RYR3: variants seen among roughly 807,000 people sequenced by gnomAD.
RYR3 encodes brain ryanodine receptor-calcium release channel.
A neutral mutation model predicts 584.3 loss-of-function variants in RYR3; 207 were observed. That is an observed-to-expected ratio of 0.35 (90% confidence interval 0.32 to 0.40). RYR3 has a LOEUF of 0.40. Among genes scored for constraint, RYR3 ranks in the 10% least tolerant of loss-of-function variants. The pLI is 1.00. For missense variants in RYR3, 5,616 were observed against 6,089.2 expected, an observed-to-expected ratio of 0.92 and a Z score of 2.59; for synonymous variants, 2,416 against 2,248.5, an observed-to-expected ratio of 1.07 and a Z score of -2.11.
intron 87 of RYR3, among the ~76,000 whole-genome samples, chr15:33,835,443 T>A (rs2077979263): frequency 6.6e-6 from 1 of 152,174 alleles, no homozygotes; most frequent in Admixed American, 6.5e-5. Flanking sequence ...GTCTCTGTAA[T>A]CCACATCCCT....
intron 1 of RYR3, among the ~76,000 whole-genome samples, chr15:33,473,018 A>T (rs988006198): frequency 1.3e-5 from 2 of 152,086 alleles, no homozygotes; most frequent in Non-Finnish European, 2.9e-5. Context: ...CCTTGCTCTG[A>T]TCTTGTCTGT....
intron 1 of RYR3, among the ~76,000 whole-genome samples, chr15:33,429,420 T>C (rs1243272151): frequency 6.6e-6 from 1 of 152,238 alleles, no homozygotes; most frequent in East Asian, 1.9e-4. Context: ...TGAGAAAGAT[T>C]TTAAAATCTG....
intron 1 of RYR3, among the ~76,000 whole-genome samples, chr15:33,387,704 T>C (rs1358615476): frequency 6.6e-6 from 1 of 151,850 alleles, no homozygotes; most frequent in Non-Finnish European, 1.5e-5. Flanking sequence ...ATTTTTTTTC[T>C]TATGATTCTC....
chr15:33,623,401 T>C (rs2060824116), intron 19 of RYR3, among the ~76,000 whole-genome samples: 1 of 151,590 alleles, frequency 6.6e-6, no homozygotes, highest in African/African-American at 2.4e-5. Context: ...GTGTGGATAA[T>C]CTCCCTCGAG....
At position 33,672,786 on chromosome 15, in the gene RYR3, G is replaced by A. The variant is rs115675012; in HGVS notation, c.5860+2230G>A. ...TAAAAGTGTAGATAGTGTTAGAAAC[G>A]TTATACAATGAATTGGCAGTTTACT... On this transcript the variant is annotated intron_variant, in intron 38 of 103. Coordinates refer to ENST00000634891, the MANE Select transcript of RYR3 (RefSeq NM_001036.6). Among the ~76,000 whole-genome samples the A allele has an allele frequency of 4.4e-3, 666 of 152,064 alleles. 2 individuals carry two copies. The highest frequency in any genetic ancestry group is 0.015 in the African/African-American group (637 of 41,480).
At chr15:33,488,403 C>T (rs2142451020) in intron 2 of RYR3, among the ~76,000 whole-genome samples, 1 of 148,564 alleles carries the variant, frequency 6.7e-6, no homozygotes, top group Non-Finnish European at 1.5e-5. Context: ...TATTTTTTTT[C>T]TTCCTCCGCC....
chr15:33,758,863 C>A (rs1056482204), intron 60 of RYR3, among the ~76,000 whole-genome samples: 12 of 152,216 alleles, frequency 7.9e-5, no homozygotes, highest in African/African-American at 2.9e-4. Flanking sequence ...AACCTCCCAG[C>A]AGGGGTCGAC....
chr15:33,746,879 G>T (rs1229354502), intron 53 of RYR3, among the ~76,000 whole-genome samples: 1 of 148,700 alleles, frequency 6.7e-6, no homozygotes. Context: ...TGTGATCTCG[G>T]CTCACTGCAA....
intron 1 of RYR3, among the ~76,000 whole-genome samples, chr15:33,401,270 C>T (rs1026780865): frequency 1.3e-5 from 2 of 152,188 alleles, no homozygotes; most frequent in Non-Finnish European, 2.9e-5. Flanking sequence ...TGTTTACACT[C>T]ATAGAGCACT....
At chr15:33,783,333 TC>T (rs1475705923) in intron 65 of RYR3, among the ~76,000 whole-genome samples, 3 of 152,166 alleles carry the variant, frequency 2.0e-5, no homozygotes, top group African/African-American at 7.2e-5. Flanking sequence ...TTCTAAAGAT[TC>T]CCCCTAACAG....
chr15:33,662,210 C>T lies in RYR3; in HGVS notation c.4680C>T (p.His1560=), dbSNP rs1397919314. The T allele has an allele frequency of 6.2e-7, 1 of 1,608,120 alleles. No individual in the cohort carries two copies. The highest frequency in any genetic ancestry group is 1.7e-5 in the Admixed American group (1 of 59,322). ...AGGACCTGATGCGGTTCCATTACCA[C>T]ACGCTGAGGCTCTACAGCGCGGTGT... is the stretch of plus-strand genomic sequence containing the variant. ...EQEDLMRFHY[H]TLRLYSAVCA... Residue 1560 remains histidine (H), a synonymous_variant, in exon 35 of 104, where the codon CAC becomes CAT. Transcript: ENST00000634891.
intron 67 of RYR3, among the ~76,000 whole-genome samples, chr15:33,789,658 A>ATTTTTTTT (rs869151934): frequency 7.8e-5 from 1 of 12,782 alleles, no homozygotes; most frequent in Non-Finnish European, 1.3e-4. Flanking sequence ...ATATATATAT[A>ATTTTTTTT]TTTTTTTTTT....
chr15:33,342,151 G>A (rs1245394580), intron 1 of RYR3, among the ~76,000 whole-genome samples: 6 of 152,232 alleles, frequency 3.9e-5, no homozygotes, highest in Admixed American at 1.3e-4. Context: ...TGTAGTGGGC[G>A]TATTACTTCG....
chr15:33,701,953 G>GA (rs2066334944), intron 42 of RYR3, among the ~76,000 whole-genome samples: 1 of 152,166 alleles, frequency 6.6e-6, no homozygotes, highest in South Asian at 2.1e-4. Flanking sequence ...AAGCAGTGAG[G>GA]AATTGAACTT....
chr15:33,788,795 CTG>C (rs1490960622), intron 67 of RYR3, among the ~76,000 whole-genome samples: 1 of 152,308 alleles, frequency 6.6e-6, no homozygotes, highest in African/African-American at 2.4e-5. Flanking sequence ...TACTGCCTGA[CTG>C]TGTGTTAAGC....
Position 33,816,880 on chromosome 15 carries a change from C to T in RYR3, c.10521C>T (p.Leu3507=), listed in dbSNP as rs754817196. 2.5e-6 allele frequency: 4 copies of T among 1,612,278 alleles called. No homozygotes were observed. Among genetic ancestry groups the T allele is most frequent in the South Asian group, 1.1e-5 (1 of 90,596 alleles). The change falls in exon 75 of 104, where the codon CTC becomes CTT. Residue 3507 remains leucine, a synonymous_variant. Transcript: ENST00000634891. ...YNLPRHRSIN[L]FLHGYQRFWI... ...CGCTCAGGCACCGCTCTATTAACCTCTTCCTCCATGGCTATCAGAGATTTT... is the reference window on the plus strand; with the variant it reads ...CGCTCAGGCACCGCTCTATTAACCTTTTCCTCCATGGCTATCAGAGATTTT...
chr15:33,748,393 C>T, intron 54 of RYR3, 75 bp from the exon 55 acceptor site: 1 of 1,543,664 alleles, frequency 6.5e-7, no homozygotes, highest in South Asian at 1.1e-5. Flanking sequence ...ACATTTTTGA[C>T]AGCTGAAGTT....
At chr15:33,529,619 G>C (rs1373795539) in intron 3 of RYR3, among the ~76,000 whole-genome samples, 1 of 152,118 alleles carries the variant, frequency 6.6e-6, no homozygotes. Context: ...TTCTGTGCAT[G>C]TTTGGGGAGG....
chr15:33,774,248 CT>C (rs1250228360), intron 64 of RYR3, among the ~76,000 whole-genome samples: 3 of 152,172 alleles, frequency 2.0e-5, no homozygotes, highest in Admixed American at 6.5e-5. Context: ...TGTTGTTGTT[CT>C]GTTTAATCCA....
Sources: gnomAD v4.1 joint callset for allele counts (sites outside exome capture counted in the v4.1 genomes callset) on GRCh38, gnomAD v4.1.1 for gene constraint, MANE v1.5 for transcripts, NCBI Gene and HGNC (gene_info 2026-07-23, HGNC 2026-07-21) for gene names.